CALN1: variants seen among roughly 807,000 people sequenced by gnomAD.
CALN1 encodes the protein calneuron 1.
In CALN1, 17 loss-of-function variants were observed where a neutral mutation model predicts 30.6. The ratio of observed to expected loss-of-function variants is 0.56; its 90% CI spans 0.38 to 0.83. The LOEUF is 0.83. Among genes scored for constraint, CALN1 ranks in the 40% least tolerant of loss-of-function variants. The pLI, the probability that CALN1 is intolerant of heterozygous loss-of-function variation, is 0.00. For missense variants in CALN1, 291 were observed against 354.9 expected (o/e 0.82, Z 1.45); for synonymous variants, 156 against 131.4 (o/e 1.19, Z -1.28).
At chr7:72,450,741 A>G (rs546371166), upstream of CALN1, among the ~76,000 whole-genome samples, 4 of 152,228 alleles carry the variant, frequency 2.6e-5, no homozygotes, top group East Asian at 3.9e-4. Flanking sequence ...TTAGCTGGGC[A>G]TGGTGGTGCA....
intron 4 of CALN1, among the ~76,000 whole-genome samples, chr7:72,082,229 G>A (rs1400310524): frequency 6.6e-6 from 1 of 152,136 alleles, no homozygotes; most frequent in Non-Finnish European, 1.5e-5. Context: ...CAGGTGATCT[G>A]CCCACCTCAC....
intron 2 of CALN1, among the ~76,000 whole-genome samples, chr7:72,322,694 G>A (rs1404272048): frequency 6.6e-6 from 1 of 151,864 alleles, no homozygotes. Context: ...GGGGATGTGG[G>A]GATGGTTAAT....
chr7:72,177,361 C>A (rs752383714), intron 3 of CALN1, among the ~76,000 whole-genome samples: 1 of 152,102 alleles, frequency 6.6e-6, no homozygotes, highest in Non-Finnish European at 1.5e-5. Flanking sequence ...CAGGCCTGGC[C>A]AGAGGGTCTA....
intron 6 of CALN1, among the ~76,000 whole-genome samples, chr7:71,797,726 T>G (rs961662264): frequency 1.2e-4 from 19 of 152,280 alleles, no homozygotes; most frequent in African/African-American, 4.3e-4. Flanking sequence ...GGCATTGTTT[T>G]TGTCTCTCTG....
chr7:71,950,859 A>G (rs997384254), intron 5 of CALN1, among the ~76,000 whole-genome samples: 1 of 152,100 alleles, frequency 6.6e-6, no homozygotes, highest in Non-Finnish European at 1.5e-5. Flanking sequence ...CTTTGTATCT[A>G]CTGTTCCTTC....
At chr7:72,497,066 A>G in the CALN1 span, among the ~76,000 whole-genome samples, 2 of 152,150 alleles carry the variant, frequency 1.3e-5, no homozygotes, top group South Asian at 2.1e-4. Flanking sequence ...AAAGATTCCA[A>G]TGAGCCCAGA....
At chr7:72,270,756 C>T (rs976517219) in intron 3 of CALN1, among the ~76,000 whole-genome samples, 1 of 152,150 alleles carries the variant, frequency 6.6e-6, no homozygotes, top group African/African-American at 2.4e-5. Context: ...GCCTGGGCAA[C>T]AGAGCAAGAC....
chr7:72,225,491 A>G (rs1793606449), intron 3 of CALN1, among the ~76,000 whole-genome samples: 5 of 152,014 alleles, frequency 3.3e-5, no homozygotes, highest in Non-Finnish European at 7.4e-5. Flanking sequence ...GGAGTGGCCA[A>G]TGGGGAAAAG....
intron 4 of CALN1, among the ~76,000 whole-genome samples, chr7:72,063,682 G>A (rs1584865290): frequency 6.6e-6 from 1 of 152,184 alleles, no homozygotes; most frequent in Non-Finnish European, 1.5e-5. Flanking sequence ...TACAGGTTGA[G>A]TATCCCTAAT....
chr7:72,140,908 C>A (rs1809883400), intron 3 of CALN1, among the ~76,000 whole-genome samples: 1 of 152,248 alleles, frequency 6.6e-6, no homozygotes, highest in South Asian at 2.1e-4. Context: ...CTCTGCAGTC[C>A]TGTGGCAGCT....
chr7:71,924,313 AACCC>A (rs1795145521), intron 5 of CALN1, among the ~76,000 whole-genome samples: 1 of 150,368 alleles, frequency 6.7e-6, no homozygotes, highest in Admixed American at 6.6e-5. Context: ...TGACTGGTGG[AACCC>A]ACCTCTGCAC....
intron 5 of CALN1, among the ~76,000 whole-genome samples, chr7:71,959,010 T>A (rs6460699): frequency 6.6e-6 from 1 of 152,018 alleles, no homozygotes; most frequent in African/African-American, 2.4e-5. Flanking sequence ...CATGCCTGTA[T>A]TTTGGGTCAC....
At chr7:71,917,402 G>C (rs1298674553) in intron 5 of CALN1, among the ~76,000 whole-genome samples, 4 of 152,170 alleles carry the variant, frequency 2.6e-5, no homozygotes, top group Admixed American at 6.5e-5. Context: ...AACTTGATGA[G>C]AGCAGATTGT....
At position 72,412,072 on chromosome 7, in the gene CALN1, T is replaced by C. The variant is rs904005811; in HGVS notation, c.-88A>G. 5 of 152,366 alleles carry C rather than the reference T, an allele frequency of 3.3e-5. No individual in the cohort carries two copies. Among genetic ancestry groups the C allele is most frequent in the African/African-American group, 9.6e-5 (4 of 41,570 alleles). 9.4% of individuals were successfully genotyped at this position (152,366 alleles called of 1,614,324 possible). A position where few individuals can be genotyped will look rare whatever the true frequency, so the allele number is the denominator to read the frequency against. On this transcript the variant is annotated 5_prime_UTR_variant, in exon 1 of 7. In the 5' UTR this introduces an upstream ATG that the reference lacks. Coordinates refer to ENST00000395275, the MANE Select transcript of CALN1 (RefSeq NM_031468.4). ...TCTGTGCCCACCTGTGTGCGGAATT[T>C]ATTCCTTCTGCTGGGTTGTTGGTCT...
At chr7:72,314,951 A>G (rs1326705581) in intron 2 of CALN1, among the ~76,000 whole-genome samples, 1 of 148,912 alleles carries the variant, frequency 6.7e-6, no homozygotes, top group Non-Finnish European at 1.5e-5. Context: ...GTTCAAGACC[A>G]GCCTCAGCAC....
chr7:72,197,187 T>C (rs1227907899), intron 3 of CALN1, among the ~76,000 whole-genome samples: 6 of 129,504 alleles, frequency 4.6e-5, no homozygotes, highest in African/African-American at 1.8e-4. Context: ...GCTTTTTTTT[T>C]TTTTTTTTTT....
Position 72,377,333 on chromosome 7 carries a change from A to G in CALN1, c.119+25918T>C, listed in dbSNP as rs182693473. On this transcript the variant is annotated intron_variant, in intron 2 of 6. Transcript: ENST00000395275. ...TCAGCTTTTTAAACATTTTACACATAGCTGATTAAAGTCTTTGTCTAGTAA... is the reference window on the plus strand; with the variant it reads ...TCAGCTTTTTAAACATTTTACACATGGCTGATTAAAGTCTTTGTCTAGTAA... Among the ~76,000 whole-genome samples, 535 of 152,080 alleles carry G rather than the reference A, an allele frequency of 3.5e-3. 2 individuals carry two copies. The highest frequency in any genetic ancestry group is 5.8e-3 in the Admixed American group (88 of 15,272).
intron 3 of CALN1, among the ~76,000 whole-genome samples, chr7:72,119,407 G>T (rs909135998): frequency 2.0e-5 from 3 of 151,858 alleles, no homozygotes; most frequent in Non-Finnish European, 2.9e-5. Flanking sequence ...GACCCCATAT[G>T]ATTCATTAAC....
the CALN1 span, among the ~76,000 whole-genome samples, chr7:72,459,829 G>T: frequency 6.7e-3 from 1,021 of 152,242 alleles, 11 homozygotes; most frequent in African/African-American, 0.023. Flanking sequence ...ACCAGCTTCC[G>T]ATAGCACCAA....
Sources: gnomAD v4.1 joint callset for allele counts (sites outside exome capture counted in the v4.1 genomes callset) on GRCh38, gnomAD v4.1.1 for gene constraint, MANE v1.5 for transcripts, NCBI Gene and HGNC (gene_info 2026-07-23, HGNC 2026-07-21) for gene names.